ETFDH: variants seen among roughly 807,000 people sequenced by gnomAD.
ETFDH encodes electron transfer flavoprotein dehydrogenase, also known as electron transfer flavoprotein-ubiquinone oxidoreductase, mitochondrial.
A neutral mutation model predicts 73.2 loss-of-function variants in ETFDH; 61 were observed. The ratio of observed to expected loss-of-function variants is 0.83; its 90% CI spans 0.68 to 1.03. The LOEUF (loss-of-function observed/expected upper bound fraction) is 1.03, where lower values mean the gene tolerates loss of function less well. Ranked by LOEUF, ETFDH falls within the 50% of genes least tolerant of loss-of-function variation. ETFDH has a pLI of 0.00. For missense variants in ETFDH, 685 were observed against 745.0 expected, an observed-to-expected ratio of 0.92 and a Z score of 0.94; for synonymous variants, 243 against 253.3, an observed-to-expected ratio of 0.96 and a Z score of 0.39.
chr4:158,706,070 G>A (rs1441514852), intron 10 of ETFDH, 119 bp from the exon 11 acceptor site: 2 of 738,466 alleles, frequency 2.7e-6, no homozygotes, highest in African/African-American at 3.5e-5. Context: ...GACAGAGCAA[G>A]ACCTTGTCTC....
intron 12 of ETFDH, 22 bp from the exon 13 acceptor site, chr4:158,708,342 A>ATTAT (rs1561252632): frequency 6.3e-7 from 1 of 1,586,800 alleles, no homozygotes; most frequent in South Asian, 1.1e-5. Flanking sequence ...GCACTTCAAT[A>ATTAT]TTATTTATTT....
chr4:158,703,476 T>C lies in ETFDH; in HGVS notation c.1170T>C (p.Gly390=), dbSNP rs1774519954. ...GTTTACTAATTGGTTGTAGTCCTGG[T>C]TTTATGAATGTTCCCAAGATCAAAG... ...PGGLLIGCSP[G]FMNVPKIKGT... The change falls in exon 10 of 13, where the codon GGT becomes GGC. Residue 390 remains glycine, a synonymous_variant. Transcript: ENST00000511912. 2 of 1,611,526 alleles carry C rather than the reference T, an allele frequency of 1.2e-6. No homozygotes were observed. The highest frequency in any genetic ancestry group is 1.7e-6 in the Non-Finnish European group (2 of 1,177,844).
Position 158,684,644 on chromosome 4 carries a change from A to G in ETFDH, c.458A>G (p.Lys153Arg). ...GACAGATTTGGAATTTTAACAGAGA[A>G]ATACAGAATTCCTGTGCCAATTCTT... The part of the protein sequence containing the change: ...TEDRFGILTE[K>R]YRIPVPILPG... Residue 153 changes from lysine (K) to arginine (R), a missense_variant, in exon 4 of 13, where the codon AAA becomes AGA. Around this residue, in one of 3 missense-constraint regions of ETFDH, gnomAD observed 405 missense variants for 399.3 expected, o/e 1.01. Transcript: ENST00000511912. 6.3e-7 allele frequency: 1 copy of G among 1,578,552 alleles called. No homozygotes were observed. The highest frequency in any genetic ancestry group is 8.7e-7 in the Non-Finnish European group (1 of 1,147,658).
intron 5 of ETFDH, among the ~76,000 whole-genome samples, chr4:158,687,371 G>T (rs573679855): frequency 9.9e-5 from 15 of 152,172 alleles, no homozygotes; most frequent in Non-Finnish European, 1.8e-4. Flanking sequence ...CTTCAGTTCA[G>T]CATGTCAAAG....
chr4:158,672,390 A>T lies in ETFDH; in HGVS notation c.-67A>T. Reference sequence around the variant, plus strand: ...GGCGCCCCCCGCGGCCTAGAGGTCCAGCGCCCGCCGCGAGCAGCGGACAGT... The same window carrying T: ...GGCGCCCCCCGCGGCCTAGAGGTCCTGCGCCCGCCGCGAGCAGCGGACAGT... On this transcript the variant is annotated 5_prime_UTR_variant, in exon 1 of 13. Coordinates refer to ENST00000511912, the MANE Select transcript of ETFDH (RefSeq NM_004453.4). The T allele has an allele frequency of 6.3e-7, 1 of 1,578,772 alleles. No individual in the cohort carries two copies. Among genetic ancestry groups the T allele is most frequent in the Non-Finnish European group, 8.7e-7 (1 of 1,148,316 alleles).
chr4:158,704,703 G>A (rs1017623516), intron 10 of ETFDH, among the ~76,000 whole-genome samples: 4 of 152,106 alleles, frequency 2.6e-5, no homozygotes, highest in African/African-American at 7.2e-5. Context: ...CCTGGCACAC[G>A]GTAGCGACTC....
intron 9 of ETFDH, among the ~76,000 whole-genome samples, chr4:158,701,837 A>G (rs1317505597): frequency 1.3e-5 from 2 of 152,202 alleles, no homozygotes; most frequent in Non-Finnish European, 2.9e-5. Flanking sequence ...CATGCAAACA[A>G]TCTATAGTTC....
rs1185785342 is a variant in ETFDH at position 158,708,444 on chromosome 4, A to G, written c.1771A>G (p.Thr591Ala). 2 of 1,611,108 alleles carry G rather than the reference A, an allele frequency of 1.2e-6. No individual in the cohort carries two copies. Among genetic ancestry groups the G allele is most frequent in the East Asian group, 2.2e-5 (1 of 44,848 alleles). ...TGCTCAGAACTGTGTACATTGTAAA[A>G]CATGTGATATTAAAGATCCAAGTCA... Reference protein sequence around the residue: ...INAQNCVHCKTCDIKDPSQNI... With the variant: ...INAQNCVHCKACDIKDPSQNI... Residue 591 changes from threonine to alanine, a missense_variant, in exon 13 of 13, where the codon ACA becomes GCA. Thr to Ala is a moderately conservative substitution (Grantham distance 58, BLOSUM62 0). This residue lies in a region of ETFDH where 201 missense variants were observed against 225.2 expected (regional missense o/e 0.89). Transcript: ENST00000511912.
At chr4:158,692,207 C>G (rs891887394) in intron 6 of ETFDH, among the ~76,000 whole-genome samples, 1 of 151,506 alleles carries the variant, frequency 6.6e-6, no homozygotes, top group African/African-American at 2.4e-5. Flanking sequence ...TCCTGGCTAA[C>G]ACGGTGAAAC....
At chr4:158,704,640 A>G (rs1226499239) in intron 10 of ETFDH, among the ~76,000 whole-genome samples, 1 of 152,208 alleles carries the variant, frequency 6.6e-6, no homozygotes, top group Non-Finnish European at 1.5e-5. Context: ...GTCTTCTGCC[A>G]CTTGGATGAA....
chr4:158,687,778 T>C (rs939741314), intron 5 of ETFDH, among the ~76,000 whole-genome samples: 2 of 152,204 alleles, frequency 1.3e-5, no homozygotes, highest in Non-Finnish European at 2.9e-5. Context: ...CAGTGGCTCA[T>C]GCCTGTAATC....
At chr4:158,687,808 A>G (rs1381568302) in intron 5 of ETFDH, among the ~76,000 whole-genome samples, 1 of 152,184 alleles carries the variant, frequency 6.6e-6, no homozygotes, top group African/African-American at 2.4e-5. Flanking sequence ...TGGGAGGCCA[A>G]GGCAGGCAGG....
At chr4:158,683,817 A>G (rs749272074) in intron 3 of ETFDH, among the ~76,000 whole-genome samples, 2 of 152,122 alleles carry the variant, frequency 1.3e-5, no homozygotes, top group African/African-American at 4.8e-5. Context: ...CGGCCTCCCA[A>G]ATTGCTGGGA....
At chr4:158,688,851 G>A (rs1774083402) in intron 5 of ETFDH, among the ~76,000 whole-genome samples, 1 of 152,042 alleles carries the variant, frequency 6.6e-6, no homozygotes, top group African/African-American at 2.4e-5. Flanking sequence ...TTACATACAT[G>A]TTAACTGTTT....
At position 158,682,416 on chromosome 4, in the gene ETFDH, G is replaced by A. The variant is rs1374979266; in HGVS notation, c.397G>A (p.Glu133Lys). ...TAAAGAACTCTTCCCAGACTGGAAAGAGAAGGGGGTATGAAAAATTGTTTT... is the reference window on the plus strand; with the variant it reads ...TAAAGAACTCTTCCCAGACTGGAAAAAGAAGGGGGTATGAAAAATTGTTTT... The part of the protein sequence containing the change: ...AFKELFPDWK[E>K]KGAPLNTPVT... The change falls in exon 3 of 13, where the codon GAG (glutamate) becomes AAG (lysine). Residue 133 changes from glutamate (E) to lysine (K), a missense_variant. Glu to Lys is a moderately conservative substitution (Grantham distance 56). Around this residue, in one of 3 missense-constraint regions of ETFDH, gnomAD observed 405 missense variants for 399.3 expected, o/e 1.01. Coordinates refer to ENST00000511912, the MANE Select transcript of ETFDH (RefSeq NM_004453.4). 11 of 1,613,278 alleles carry A rather than the reference G, an allele frequency of 6.8e-6. No homozygotes were observed. Among genetic ancestry groups the A allele is most frequent in the Non-Finnish European group, 9.3e-6 (11 of 1,179,346 alleles).
chr4:158,688,467 C>T (rs1047775557), intron 5 of ETFDH, among the ~76,000 whole-genome samples: 1 of 150,508 alleles, frequency 6.6e-6, no homozygotes, highest in Non-Finnish European at 1.5e-5. Flanking sequence ...GGGCGGATCA[C>T]GAGGTCAGGA....
At chr4:158,700,165 G>A (rs1774419413) in intron 9 of ETFDH, among the ~76,000 whole-genome samples, 1 of 152,014 alleles carries the variant, frequency 6.6e-6, no homozygotes, top group African/African-American at 2.4e-5. Context: ...TTAAAAGTGA[G>A]GTTCTAAATA....
intron 5 of ETFDH, 47 bp from the exon 6 acceptor site, chr4:158,690,301 A>T: frequency 9.8e-7 from 1 of 1,016,152 alleles, no homozygotes; most frequent in Non-Finnish European, 1.6e-6. Flanking sequence ...TTTCAAGATT[A>T]TTATGAATTC....
At chr4:158,676,790 A>C (rs889867943) in intron 1 of ETFDH, among the ~76,000 whole-genome samples, 55 of 152,126 alleles carry the variant, frequency 3.6e-4, no homozygotes, top group African/African-American at 1.2e-3. Context: ...TTTGGTTTGC[A>C]TTTCCCTGAT....
Sources: gnomAD v4.1 joint callset for allele counts (sites outside exome capture counted in the v4.1 genomes callset) on GRCh38, gnomAD v4.1.1 for gene constraint, gnomAD v4.1.1 regional missense constraint, MANE v1.5 for transcripts, NCBI Gene and HGNC (gene_info 2026-07-23, HGNC 2026-07-21) for gene names.